Variants in CAGE1 observed in about 807,000 individuals in gnomAD.
CAGE1 encodes cancer antigen 1, also known as cancer-associated gene 1 protein.
In CAGE1, 66 loss-of-function variants were observed where a neutral mutation model predicts 94.9. That is an observed-to-expected ratio of 0.70 (90% CI 0.57 to 0.85). The LOEUF is 0.85. Among genes scored for constraint, CAGE1 ranks in the 40% least tolerant of loss-of-function variants. CAGE1 has a pLI of 0.00. For missense variants in CAGE1, 865 were observed against 950.4 expected (o/e 0.91, Z 1.18); for synonymous variants, 319 against 321.0 (o/e 0.99, Z 0.07).
intron 7 of CAGE1, among the ~76,000 whole-genome samples, chr6:7,368,379 A>C (rs9406024): frequency 1.3e-5 from 2 of 151,938 alleles, no homozygotes; most frequent in Non-Finnish European, 2.9e-5. Flanking sequence ...CCAAAGGATG[A>C]AGTTTGAAAT....
At position 7,358,065 on chromosome 6, in the gene CAGE1, T is replaced by TATATATATATATATAC. The variant is rs1257084432; in HGVS notation, c.2194-1937_2194-1936insGTATATATATATATAT. ...ATATATATATATATATATATATATATATATATGCCTCCAAAACCATCACCA... is the reference window on the plus strand; with the variant it reads ...ATATATATATATATATATATATATATATATATATATATATACATATATGCCTCCAAAACCATCACCA... On this transcript the variant is annotated intron_variant, in intron 9 of 13. Transcript: ENST00000502583. Among the ~76,000 whole-genome samples the TATATATATATATATAC allele has an allele frequency of 3.2e-4, 37 of 114,086 alleles. 2 individuals carry two copies. The highest frequency in any genetic ancestry group is 1.3e-3 in the African/African-American group (35 of 26,770). The allele number at this position is 114,086 out of a possible 152,430, so 74.8% of individuals were successfully genotyped here.
intron 10 of CAGE1, among the ~76,000 whole-genome samples, chr6:7,355,667 A>G (rs564122460): frequency 7.8e-4 from 119 of 152,326 alleles, no homozygotes; most frequent in Non-Finnish European, 1.4e-3. Flanking sequence ...TTCTATTAAT[A>G]TTTGGCATAG....
intron 13 of CAGE1, among the ~76,000 whole-genome samples, chr6:7,328,136 C>A (rs959617354): frequency 6.6e-6 from 1 of 152,078 alleles, no homozygotes; most frequent in African/African-American, 2.4e-5. Context: ...GAGGTGGCAG[C>A]AGCTGTGTCT....
chr6:7,360,160 A>T (rs907528972), intron 9 of CAGE1, among the ~76,000 whole-genome samples: 1 of 152,186 alleles, frequency 6.6e-6, no homozygotes, highest in African/African-American at 2.4e-5. Context: ...ACTCATGATT[A>T]TTGGACCCAC....
intron 7 of CAGE1, among the ~76,000 whole-genome samples, chr6:7,367,278 A>ATTTTTTTTTTTTTTTTTTTT (rs70978961): frequency 5.0e-4 from 56 of 111,174 alleles, no homozygotes; most frequent in African/African-American, 1.2e-3. Context: ...TATTTGGGGG[A>ATTTTTTTTTTTTTTTTTTTT]TTTTTTTTTT....
chr6:7,387,136 G>A lies in CAGE1; in HGVS notation c.38C>T (p.Ser13Leu). ...KDYQKFWSSPSDPVHFEVDTS... is the reference protein window; with the variant it reads ...KDYQKFWSSPLDPVHFEVDTS... The stretch of plus-strand genomic sequence containing the variant: ...ATCCACTTCAAAATGTACAGGATCT[G>A]AAGGTGATGACCAAAATTTTTGATA... Residue 13 changes from serine (S) to leucine (L), a missense_variant, in exon 2 of 14, where the codon TCA becomes TTA. Coordinates refer to ENST00000502583, the MANE Select transcript of CAGE1 (RefSeq NM_001170692.2). The A allele has an allele frequency of 6.4e-7, 1 of 1,551,372 alleles. No homozygotes were observed. Among genetic ancestry groups the A allele is most frequent in the East Asian group, 2.4e-5 (1 of 40,914 alleles).
In CAGE1 at chr6:7,326,681, T is replaced by A. The variant is rs552993736; in HGVS notation, c.*177A>T. ...CTGTTTATGTTAAATAGAATATATT[T>A]GATTATTCACAGGAAGAAATTAGAA... On this transcript the variant is annotated 3_prime_UTR_variant, in exon 14 of 14. Transcript: ENST00000502583. 4 of 610,822 alleles carry A rather than the reference T, an allele frequency of 6.5e-6. No individual in the cohort carries two copies. In the African/African-American group the frequency reaches 7.5e-5, roughly 11 times the overall value. 37.8% of individuals were successfully genotyped at this position (610,822 alleles called of 1,614,324 possible). A position where few individuals can be genotyped will look rare whatever the true frequency, so the allele number is the denominator to read the frequency against.
At chr6:7,382,377 C>T (rs1760967542) in intron 3 of CAGE1, among the ~76,000 whole-genome samples, 1 of 151,970 alleles carries the variant, frequency 6.6e-6, no homozygotes. Flanking sequence ...TCTCGGCTCA[C>T]TGCAACCTTC....
intron 5 of CAGE1, among the ~76,000 whole-genome samples, chr6:7,371,888 A>G (rs1760550247): frequency 6.6e-6 from 1 of 152,236 alleles, no homozygotes. Flanking sequence ...ATTTTACTAT[A>G]CATACTTTAA....
Position 7,373,968 on chromosome 6 carries a change from C to G in CAGE1, c.851G>C (p.Cys284Ser), listed in dbSNP as rs1044562665. ...ACTTTGCTCCCAGTCAGGCATCTCACAGTTCTCCCGACATGCTTCACTCCT... is the reference window on the plus strand; with the variant it reads ...ACTTTGCTCCCAGTCAGGCATCTCAGAGTTCTCCCGACATGCTTCACTCCT... ...SWRSEACREN[C>S]EMPDWEQSAE... Residue 284 changes from cysteine to serine, a missense_variant, in exon 5 of 14, where the codon TGT (cysteine) becomes TCT (serine). By Grantham distance (112) the Cys-to-Ser change is moderately radical. Coordinates refer to ENST00000502583, the MANE Select transcript of CAGE1 (RefSeq NM_001170692.2). The G allele has an allele frequency of 1.9e-6, 3 of 1,613,930 alleles. No homozygotes were observed. The highest frequency in any genetic ancestry group is 2.5e-6 in the Non-Finnish European group (3 of 1,179,908).
At chr6:7,344,415 C>G (rs1054819887) in intron 11 of CAGE1, among the ~76,000 whole-genome samples, 8 of 152,250 alleles carry the variant, frequency 5.3e-5, no homozygotes, top group Admixed American at 5.2e-4. Flanking sequence ...CCCACCGGCG[C>G]TGTGCTCGAT....
Position 7,339,512 on chromosome 6 carries a change from A to G in CAGE1, c.2370-5422T>C, listed in dbSNP as rs997894712. 1.2e-6 allele frequency: 1 copy of G among 813,154 alleles called. No homozygotes were observed. The allele number at this position is 813,154 out of a possible 1,614,324, so 50.4% of individuals were successfully genotyped here. A position where few individuals can be genotyped will look rare whatever the true frequency, so the allele number is the denominator to read the frequency against. On this transcript the variant is annotated intron_variant, in intron 11 of 13. Coordinates refer to ENST00000502583, the MANE Select transcript of CAGE1 (RefSeq NM_001170692.2). The surrounding 1 kb of genome is among the most constrained non-coding windows in gnomAD (Gnocchi z 4.7). ...CCTGAGTAAGAAACTCATTCATTTC[A>G]GCTTAGAAGATGCCATCAGTGACAA...
At chr6:7,353,337 C>A (rs142470091) in intron 11 of CAGE1, among the ~76,000 whole-genome samples, 2 of 151,956 alleles carry the variant, frequency 1.3e-5, no homozygotes, top group Admixed American at 6.6e-5. Context: ...AACTACAATG[C>A]GATACCACCT....
intron 9 of CAGE1, among the ~76,000 whole-genome samples, chr6:7,361,183 A>G (rs1760153668): frequency 1.3e-5 from 2 of 152,158 alleles, no homozygotes; most frequent in South Asian, 4.1e-4. Flanking sequence ...CTTCTAAAAG[A>G]GGAACTTGTC....
Position 7,374,002 on chromosome 6 carries a change from T to G in CAGE1, c.817A>C (p.Ile273Leu). 6.2e-7 allele frequency: 1 copy of G among 1,614,054 alleles called. No homozygotes were observed. Among genetic ancestry groups the G allele is most frequent in the Non-Finnish European group, 8.5e-7 (1 of 1,179,894 alleles). ...EIVSTWSSAG[I>L]SWRSEACREN... ...CGACATGCTTCACTCCTCCAGGAAA[T>G]GCCTGCCGAAGACCAAGTTGAGACA... Residue 273 changes from isoleucine (I) to leucine (L), a missense_variant, in exon 5 of 14, where the codon ATT becomes CTT. By Grantham distance (5) the Ile-to-Leu change is conservative (BLOSUM62 2). Transcript: ENST00000502583.
chr6:7,337,325 GAAAAAAAAAA>G (rs58144720), intron 11 of CAGE1, among the ~76,000 whole-genome samples: 1 of 81,592 alleles, frequency 1.2e-5, no homozygotes, highest in Non-Finnish European at 2.5e-5. Context: ...AGACTGTCTC[GAAAAAAAAAA>G]AAAAAAAAAA....
chr6:7,355,773 A>G (rs1268956802), intron 10 of CAGE1, among the ~76,000 whole-genome samples: 1 of 152,238 alleles, frequency 6.6e-6, no homozygotes, highest in Non-Finnish European at 1.5e-5. Flanking sequence ...AGGCCGAGGC[A>G]GAAGGATTGC....
At chr6:7,369,844 T>A (rs946272005) in intron 6 of CAGE1, 75 bp downstream of exon 6, 1 of 1,372,532 alleles carries the variant, frequency 7.3e-7, no homozygotes, top group Non-Finnish European at 9.8e-7. Flanking sequence ...TAATTCCTTT[T>A]ATTGCCTCTC....
At chr6:7,384,140 C>T (rs1761031673) in intron 3 of CAGE1, among the ~76,000 whole-genome samples, 1 of 152,038 alleles carries the variant, frequency 6.6e-6, no homozygotes, top group South Asian at 2.1e-4. Flanking sequence ...TGCAGTGGCA[C>T]CATCTCGGCT....
Sources: gnomAD v4.1 joint callset for allele counts (sites outside exome capture counted in the v4.1 genomes callset) on GRCh38, gnomAD v4.1.1 for gene constraint, Gnocchi (gnomAD v3.1) non-coding constraint, MANE v1.5 for transcripts, NCBI Gene and HGNC (gene_info 2026-07-23, HGNC 2026-07-21) for gene names.